The following WWC1 variants were observed in gnomAD, a reference collection of about 807,000 sequenced individuals.
WWC1 encodes WW and C2 domain containing 1.
A neutral mutation model predicts 138.4 loss-of-function variants in WWC1; 55 were observed. The ratio of observed to expected loss-of-function variants is 0.40; its 90% CI spans 0.32 to 0.50. WWC1 has a LOEUF of 0.50. Among genes scored for constraint, WWC1 ranks in the 20% least tolerant of loss-of-function variants. The probability of loss-of-function intolerance (pLI) is 0.72; values close to 1 mark genes in which losing one functional copy is unlikely to be tolerated. For missense variants in WWC1, 1,226 were observed against 1,420.4 expected, an observed-to-expected ratio of 0.86 and a Z score of 2.20; for synonymous variants, 524 against 564.9, an observed-to-expected ratio of 0.93 and a Z score of 1.03.
intron 15 of WWC1, among the ~76,000 whole-genome samples, chr5:168,432,726 C>T (rs1324942393): frequency 2.0e-5 from 3 of 152,102 alleles, no homozygotes; most frequent in Non-Finnish European, 2.9e-5. Context: ...GACAAGGTGC[C>T]AGCATTGATG....
intron 2 of WWC1, among the ~76,000 whole-genome samples, chr5:168,380,923 TGAA>T (rs2152815408): frequency 6.6e-6 from 1 of 152,150 alleles, no homozygotes; most frequent in African/African-American, 2.4e-5. Context: ...TCCATGCATG[TGAA>T]GTTCTAAAAC....
chr5:168,306,421 G>A (rs949120540), intron 1 of WWC1, among the ~76,000 whole-genome samples: 2 of 152,062 alleles, frequency 1.3e-5, no homozygotes, highest in African/African-American at 2.4e-5. Context: ...ATATTTGGGG[G>A]AATGTCAGTT....
At chr5:168,321,512 C>T (rs72822619) in intron 1 of WWC1, among the ~76,000 whole-genome samples, 16,964 of 151,270 alleles carry the variant, frequency 0.11, 1,274 homozygotes, top group Non-Finnish European at 0.15. Flanking sequence ...TCAGTATTTG[C>T]CTTCTCTCAT....
intron 12 of WWC1, 125 bp from the exon 13 acceptor site, chr5:168,428,582 A>G (rs563731462): frequency 1.2e-6 from 1 of 867,652 alleles, no homozygotes; most frequent in Non-Finnish European, 1.7e-6. Flanking sequence ...ATTAAAATTT[A>G]AAAAAGGACC....
At chr5:168,344,538 G>A (rs967511555) in intron 1 of WWC1, among the ~76,000 whole-genome samples, 1 of 152,242 alleles carries the variant, frequency 6.6e-6, no homozygotes, top group Non-Finnish European at 1.5e-5. Flanking sequence ...AGATGTATAT[G>A]TGTGGGATAA....
chr5:168,329,116 C>G (rs746055339), intron 1 of WWC1, among the ~76,000 whole-genome samples: 1 of 152,206 alleles, frequency 6.6e-6, no homozygotes, highest in African/African-American at 2.4e-5. Flanking sequence ...TCTTCCTTCC[C>G]TCTTGGTGAT....
chr5:168,423,497 G>A, intron 10 of WWC1, 36 bp from the exon 11 acceptor site: 2 of 1,580,674 alleles, frequency 1.3e-6, no homozygotes, highest in African/African-American at 1.3e-5. Context: ...ACTTCACTGT[G>A]TGCATCTCAC....
chr5:168,423,707 C>G lies in WWC1; in HGVS notation c.1449C>G (p.Phe483Leu), dbSNP rs1464709054. The G allele has an allele frequency of 1.2e-6, 2 of 1,614,190 alleles. No homozygotes were observed. The highest frequency in any genetic ancestry group is 1.7e-6 in the Non-Finnish European group (2 of 1,180,038). ...CAGAGCTGCAGAGCAAGGTGGAGTTCCTGCTCCTGGAGGGGGCCACCGGCT... is the reference window on the plus strand; with the variant it reads ...CAGAGCTGCAGAGCAAGGTGGAGTTGCTGCTCCTGGAGGGGGCCACCGGCT... ...LDSELQSKVE[F>L]LLLEGATGFR... is the part of the protein sequence containing the mutation. Residue 483 changes from phenylalanine to leucine, a missense_variant, in exon 11 of 23, where the codon TTC (phenylalanine) becomes TTG (leucine). Physicochemically the swap from Phe to Leu is conservative, Grantham distance 22. Transcript: ENST00000265293.
chr5:168,426,127 G>A (rs1191205564), intron 11 of WWC1, among the ~76,000 whole-genome samples: 1 of 152,148 alleles, frequency 6.6e-6, no homozygotes, highest in Non-Finnish European at 1.5e-5. Flanking sequence ...CCTTGTTAAC[G>A]AAAGGCTTTG....
intron 1 of WWC1, among the ~76,000 whole-genome samples, chr5:168,348,519 G>T (rs1039480068): frequency 1.3e-5 from 2 of 152,282 alleles, no homozygotes; most frequent in East Asian, 3.9e-4. Context: ...TGGAAGCTTG[G>T]CTGTGAGCAC....
At chr5:168,440,458 C>T (rs190299672) in intron 15 of WWC1, among the ~76,000 whole-genome samples, 221 of 152,274 alleles carry the variant, frequency 1.5e-3, no homozygotes, top group African/African-American at 5.0e-3. Flanking sequence ...AATTGTACTT[C>T]TGGGCATATA....
intron 2 of WWC1, among the ~76,000 whole-genome samples, chr5:168,377,293 A>G (rs945961481): frequency 1.3e-5 from 2 of 152,250 alleles, no homozygotes; most frequent in Non-Finnish European, 2.9e-5. Flanking sequence ...AATGGATTAA[A>G]GATTTAAATG....
chr5:168,427,666 A>G (rs547355958), intron 11 of WWC1, among the ~76,000 whole-genome samples: 41 of 148,820 alleles, frequency 2.8e-4, no homozygotes, highest in Non-Finnish European at 4.6e-4. Context: ...CCCGAATCCC[A>G]AAGTGTTGGG....
intron 5 of WWC1, among the ~76,000 whole-genome samples, chr5:168,405,224 A>G (rs941340966): frequency 6.6e-6 from 1 of 152,134 alleles, no homozygotes; most frequent in Non-Finnish European, 1.5e-5. Context: ...TCATTAGCTC[A>G]ACACATGCTT....
At chr5:168,310,241 A>G (rs1261430598) in intron 1 of WWC1, among the ~76,000 whole-genome samples, 1 of 152,202 alleles carries the variant, frequency 6.6e-6, no homozygotes, top group Non-Finnish European at 1.5e-5. Flanking sequence ...TAATATTTCA[A>G]ACATATAGGA....
intron 15 of WWC1, among the ~76,000 whole-genome samples, chr5:168,438,158 C>T (rs1029735407): frequency 6.6e-6 from 1 of 152,108 alleles, no homozygotes; most frequent in African/African-American, 2.4e-5. Flanking sequence ...CTTCCTTTCC[C>T]CACTCAACAC....
At chr5:168,331,764 T>C (rs540078707) in intron 1 of WWC1, among the ~76,000 whole-genome samples, 1 of 152,358 alleles carries the variant, frequency 6.6e-6, no homozygotes, top group East Asian at 1.9e-4. Flanking sequence ...AAAACTTTCT[T>C]TGACATCTTC....
At chr5:168,414,205 A>T in intron 8 of WWC1, 143 bp from the exon 9 acceptor site, 1 of 1,288,730 alleles carries the variant, frequency 7.8e-7, no homozygotes, top group East Asian at 2.5e-5. Context: ...TTAGAAAAAA[A>T]ATAGGTTCCT....
chr5:168,396,923 A>G (rs1778946333), intron 3 of WWC1, among the ~76,000 whole-genome samples: 1 of 151,920 alleles, frequency 6.6e-6, no homozygotes, highest in Non-Finnish European at 1.5e-5. Context: ...TTGAATGTAC[A>G]TTAATATTAT....
Sources: gnomAD v4.1 joint callset for allele counts (sites outside exome capture counted in the v4.1 genomes callset) on GRCh38, gnomAD v4.1.1 for gene constraint, MANE v1.5 for transcripts, NCBI Gene and HGNC (gene_info 2026-07-23, HGNC 2026-07-21) for gene names.